Variants in R3HDM2 observed in about 807,000 individuals in gnomAD.
R3HDM2 encodes R3H domain containing 2.
In R3HDM2, 38 loss-of-function variants were observed where a neutral mutation model predicts 124.5. That is an observed-to-expected ratio of 0.31 (90% CI 0.24 to 0.40). The LOEUF (loss-of-function observed/expected upper bound fraction) is 0.40, where lower values mean the gene tolerates loss of function less well. R3HDM2 is among the 10% of genes least tolerant of loss of function. The probability of loss-of-function intolerance (pLI) is 1.00; values close to 1 mark genes in which losing one functional copy is unlikely to be tolerated. For synonymous variants in R3HDM2, 391 were observed against 448.0 expected, an observed-to-expected ratio of 0.87 and a Z score of 1.61; for missense variants, 869 against 1,236.9, an observed-to-expected ratio of 0.70 and a Z score of 4.46.
At chr12:57,288,360 A>G (rs1475658194) in intron 12 of R3HDM2, among the ~76,000 whole-genome samples, 1 of 151,800 alleles carries the variant, frequency 6.6e-6, no homozygotes, top group Non-Finnish European at 1.5e-5. Flanking sequence ...AACTACATAC[A>G]TAAAGGTGTC....
At chr12:57,257,852 G>T in intron 21 of R3HDM2, 138 bp downstream of exon 21, 2 of 955,290 alleles carry the variant, frequency 2.1e-6, no homozygotes, top group Non-Finnish European at 2.8e-6. Context: ...ATACAGGGAT[G>T]TTAAAGGAAG....
At chr12:57,387,760 A>G (rs1017709800) in intron 2 of R3HDM2, among the ~76,000 whole-genome samples, 5 of 152,184 alleles carry the variant, frequency 3.3e-5, no homozygotes, top group African/African-American at 1.2e-4. Flanking sequence ...CATACATAAT[A>G]AATATGTTAT....
At chr12:57,276,656 G>A (rs1446674190) in intron 14 of R3HDM2, among the ~76,000 whole-genome samples, 1 of 152,210 alleles carries the variant, frequency 6.6e-6, no homozygotes, top group Non-Finnish European at 1.5e-5. Flanking sequence ...GGGAGGCCAA[G>A]GTGGGCGGAT....
chr12:57,351,351 GATGA>G (rs1293295759), intron 2 of R3HDM2, among the ~76,000 whole-genome samples: 2 of 152,160 alleles, frequency 1.3e-5, no homozygotes, highest in Admixed American at 6.6e-5. Context: ...CTGCTTATGT[GATGA>G]ATAAGACATA....
chr12:57,342,097 A>G (rs770862837), intron 2 of R3HDM2, among the ~76,000 whole-genome samples: 19 of 152,210 alleles, frequency 1.2e-4, no homozygotes, highest in African/African-American at 1.7e-4. Flanking sequence ...AAATATCTTT[A>G]TAGCTTCTTT....
intron 19 of R3HDM2, among the ~76,000 whole-genome samples, chr12:57,265,145 G>T (rs2042010843): frequency 6.6e-6 from 1 of 152,138 alleles, no homozygotes; most frequent in Admixed American, 6.6e-5. Context: ...TTCCACTGGA[G>T]AGAAAGAAAT....
intron 2 of R3HDM2, among the ~76,000 whole-genome samples, chr12:57,320,989 A>T (rs1200106714): frequency 6.6e-6 from 1 of 152,234 alleles, no homozygotes; most frequent in Non-Finnish European, 1.5e-5. Context: ...TTTGTTTATC[A>T]ATCATAAGTT....
intron 19 of R3HDM2, among the ~76,000 whole-genome samples, chr12:57,262,434 G>T (rs2041117632): frequency 6.6e-6 from 1 of 152,206 alleles, no homozygotes; most frequent in Non-Finnish European, 1.5e-5. Flanking sequence ...CAAGGGACCT[G>T]CAACCATCAT....
intron 8 of R3HDM2, 156 bp downstream of exon 8, chr12:57,297,172 A>G (rs990929468): frequency 3.1e-5 from 17 of 542,200 alleles, no homozygotes; most frequent in Non-Finnish European, 5.0e-5. Flanking sequence ...GAAAAGATAT[A>G]AATTATTTTT....
chr12:57,428,982 G>A (rs967924464), intron 1 of R3HDM2, among the ~76,000 whole-genome samples: 4 of 152,056 alleles, frequency 2.6e-5, no homozygotes, highest in Non-Finnish European at 5.9e-5. Context: ...CCTGACCTCA[G>A]GTGATCCACC....
chr12:57,417,006 G>A (rs980789646), intron 1 of R3HDM2, among the ~76,000 whole-genome samples: 1 of 151,560 alleles, frequency 6.6e-6, no homozygotes, highest in Non-Finnish European at 1.5e-5. Flanking sequence ...TACTCAGGAA[G>A]CTGAGGCAGG....
chr12:57,416,471 T>A (rs537482), intron 1 of R3HDM2, among the ~76,000 whole-genome samples: 1 of 151,904 alleles, frequency 6.6e-6, no homozygotes, highest in Non-Finnish European at 1.5e-5. Flanking sequence ...GGCTGCCCAA[T>A]AGAAACTTGC....
intron 2 of R3HDM2, among the ~76,000 whole-genome samples, chr12:57,386,332 C>T (rs1013261003): frequency 6.3e-4 from 96 of 152,332 alleles, no homozygotes; most frequent in Non-Finnish European, 1.2e-3. Context: ...GGGCGGGAAC[C>T]GAGGCTGCCC....
intron 14 of R3HDM2, among the ~76,000 whole-genome samples, chr12:57,273,779 G>A (rs2044092245): frequency 6.6e-6 from 1 of 152,178 alleles, no homozygotes; most frequent in Non-Finnish European, 1.5e-5. Context: ...GCATTAAGAT[G>A]TGTGGGGCCA....
chr12:57,323,007 A>G (rs2056703208), intron 2 of R3HDM2, among the ~76,000 whole-genome samples: 1 of 152,124 alleles, frequency 6.6e-6, no homozygotes, highest in Non-Finnish European at 1.5e-5. Flanking sequence ...GTTTATTGAG[A>G]TCATCTTACT....
chr12:57,281,273 G>C (rs1351771691), intron 13 of R3HDM2, among the ~76,000 whole-genome samples: 1 of 140,074 alleles, frequency 7.1e-6, no homozygotes, highest in African/African-American at 2.6e-5. Context: ...GGCGACAAGA[G>C]CGAGACTCGG....
At chr12:57,401,820 A>C (rs1337661407) in intron 1 of R3HDM2, among the ~76,000 whole-genome samples, 1 of 150,692 alleles carries the variant, frequency 6.6e-6, no homozygotes, top group Admixed American at 6.6e-5. Flanking sequence ...CCCTGCCTCT[A>C]CTAAAAATAC....
chr12:57,343,763 TTAAA>T (rs758516275), intron 2 of R3HDM2, among the ~76,000 whole-genome samples: 1 of 115,780 alleles, frequency 8.6e-6, no homozygotes. Flanking sequence ...TTACAAAAGG[TTAAA>T]AAAAAAAAAA....
At chr12:57,376,683 C>T (rs2064110511) in intron 2 of R3HDM2, among the ~76,000 whole-genome samples, 1 of 152,112 alleles carries the variant, frequency 6.6e-6, no homozygotes, top group Non-Finnish European at 1.5e-5. Flanking sequence ...GGGGCAGTGG[C>T]TCACACCTAT....
Sources: gnomAD v4.1 joint callset for allele counts (sites outside exome capture counted in the v4.1 genomes callset) on GRCh38, gnomAD v4.1.1 for gene constraint, MANE v1.5 for transcripts, NCBI Gene and HGNC (gene_info 2026-07-23, HGNC 2026-07-21) for gene names.